SPDL1: variants seen among roughly 807,000 people sequenced by gnomAD.
SPDL1 encodes protein Spindly.
SPDL1 carries 85 observed loss-of-function variants against 79.5 expected under a neutral mutation model. That is an observed-to-expected ratio of 1.07 (90% CI 0.90 to 1.28). SPDL1 has a LOEUF of 1.28. Ranked by LOEUF, SPDL1 falls within the 50% of genes most tolerant of loss-of-function variation. The pLI is 0.00. For synonymous variants in SPDL1, 269 were observed against 240.3 expected, an observed-to-expected ratio of 1.12 and a Z score of -1.10; for missense variants, 703 against 697.8, an observed-to-expected ratio of 1.01 and a Z score of -0.08.
chr5:169,585,622 G>T (rs1255038403), intron 1 of SPDL1, among the ~76,000 whole-genome samples: 2 of 152,192 alleles, frequency 1.3e-5, no homozygotes, highest in South Asian at 2.1e-4. Context: ...GTAAGTTATT[G>T]TGAACAGTAC....
At chr5:169,591,994 A>G (rs1755310686) in intron 3 of SPDL1, among the ~76,000 whole-genome samples, 2 of 152,200 alleles carry the variant, frequency 1.3e-5, no homozygotes, top group African/African-American at 4.8e-5. Flanking sequence ...TGCTTTGTGT[A>G]TAGTCTATAC....
chr5:169,601,525 A>G lies in SPDL1; in HGVS notation c.1570A>G (p.Met524Val), dbSNP rs146764075. ...LSPHKNLPVD[M>V]QLKKEKKCVK... ...TCCTCACAAAAATCTGCCCGTGGAT[A>G]TGCAGCTGAAGAAGGAAAAGAAATG... Residue 524 changes from methionine (M) to valine (V), a missense_variant, in exon 11 of 12, where the codon ATG becomes GTG. Coordinates refer to ENST00000265295, the MANE Select transcript of SPDL1 (RefSeq NM_017785.5). 1.2e-6 allele frequency: 2 copies of G among 1,614,210 alleles called. No individual in the cohort carries two copies. The highest frequency in any genetic ancestry group is 1.3e-5 in the African/African-American group (1 of 75,060).
At chr5:169,593,920 C>T (rs948330871) in intron 4 of SPDL1, among the ~76,000 whole-genome samples, 1 of 152,064 alleles carries the variant, frequency 6.6e-6, no homozygotes, top group Admixed American at 6.5e-5. Context: ...AAAATTAAAG[C>T]CTGAAATTGA....
chr5:169,598,957 T>G lies in SPDL1; in HGVS notation c.1137-15T>G. 1 of 1,519,684 alleles carries G rather than the reference T, an allele frequency of 6.6e-7. No homozygotes were observed. Among genetic ancestry groups the G allele is most frequent in the Non-Finnish European group, 8.8e-7 (1 of 1,132,608 alleles). The allele number at this position is 1,519,684 out of a possible 1,614,324, so 94.1% of individuals were successfully genotyped here. A position where few individuals can be genotyped will look rare whatever the true frequency, so the allele number is the denominator to read the frequency against. ...TGTCTTAATACTCGTTGGTTCTCCTTTTTTATTATCATAGCAAAGAAATTG... is the reference window on the plus strand; with the variant it reads ...TGTCTTAATACTCGTTGGTTCTCCTGTTTTATTATCATAGCAAAGAAATTG... On this transcript the variant is annotated splice_polypyrimidine_tract_variant and intron_variant, in intron 9 of 11. Coordinates refer to ENST00000265295, the MANE Select transcript of SPDL1 (RefSeq NM_017785.5).
chr5:169,599,645 G>C lies in SPDL1; in HGVS notation c.1324+486G>C, dbSNP rs116415625. On this transcript the variant is annotated intron_variant, in intron 10 of 11. Transcript: ENST00000265295. The stretch of plus-strand genomic sequence containing the variant: ...CACGGTATCAAGATTCAGGCTTCTT[G>C]TGTTTGTTGGTCTGCTGCCATCCTG... Among the ~76,000 whole-genome samples, 770 of 152,290 alleles carry C rather than the reference G, an allele frequency of 5.1e-3. 5 individuals are homozygous for C. Among genetic ancestry groups the C allele is most frequent in the African/African-American group, 0.017 (717 of 41,550 alleles).
chr5:169,594,227 T>A lies in SPDL1; in HGVS notation c.614T>A (p.Val205Glu). 6.2e-7 allele frequency: 1 copy of A among 1,613,978 alleles called. No individual in the cohort carries two copies. The highest frequency in any genetic ancestry group is 8.5e-7 in the Non-Finnish European group (1 of 1,179,888). The change falls in exon 5 of 12, where the codon GTA becomes GAA. Residue 205 changes from valine (V) to glutamate (E), a missense_variant. Physicochemically the swap from Val to Glu is moderately radical, Grantham distance 121 (BLOSUM62 -2). Coordinates refer to ENST00000265295, the MANE Select transcript of SPDL1 (RefSeq NM_017785.5). The stretch of plus-strand genomic sequence containing the variant: ...CTTATTACTAACCTAATGCGCCAGG[T>A]AGACCGGCTTAAAGAGGAAAAAGAG... ...ELLITNLMRQ[V>E]DRLKEEKEER...
At chr5:169,589,895 G>A (rs965757055) in intron 2 of SPDL1, among the ~76,000 whole-genome samples, 2 of 152,016 alleles carry the variant, frequency 1.3e-5, no homozygotes, top group African/African-American at 4.8e-5. Flanking sequence ...TAGAGATGGG[G>A]TTTCACCATG....
chr5:169,584,058 T>C (rs1236924016), intron 1 of SPDL1, 169 bp downstream of exon 1: 1 of 152,186 alleles, frequency 6.6e-6, no homozygotes, highest in South Asian at 2.1e-4. Context: ...GCCGGTCTTA[T>C]CTTCCGCTGG....
At chr5:169,584,179 C>G (rs546335888) in intron 1 of SPDL1, 4 of 152,318 alleles carry the variant, frequency 2.6e-5, no homozygotes, top group Admixed American at 6.5e-5. Flanking sequence ...ACGGTAGCCT[C>G]TAGCCCGAAC....
intron 11 of SPDL1, among the ~76,000 whole-genome samples, chr5:169,603,587 G>C (rs1259723664): frequency 2.0e-5 from 3 of 152,160 alleles, no homozygotes; most frequent in Non-Finnish European, 4.4e-5. Context: ...CCAGCGTGGT[G>C]CCTCACACCT....
Position 169,604,283 on chromosome 5 carries a change from C to A in SPDL1, c.*76C>A. The A allele has an allele frequency of 1.5e-6, 2 of 1,326,860 alleles. No individual in the cohort carries two copies. Among genetic ancestry groups the A allele is most frequent in the Admixed American group, 2.6e-5 (1 of 38,772 alleles). 82.2% of individuals were successfully genotyped at this position (1,326,860 alleles called of 1,614,324 possible). A position where few individuals can be genotyped will look rare whatever the true frequency, so the allele number is the denominator to read the frequency against. On this transcript the variant is annotated 3_prime_UTR_variant, in exon 12 of 12. Coordinates refer to ENST00000265295, the MANE Select transcript of SPDL1 (RefSeq NM_017785.5). ...GGTGCTTAAGATTGTCTTGATCTGA[C>A]ATATATCACCTTCTGGGTTATTTAC...
In SPDL1 at chr5:169,599,053, T is replaced by A; in HGVS notation, c.1218T>A (p.Ile406=). ...TTGAGAGCCAGCGGGCTCTAGATAT[T>A]GAGCGAAAACTTTTTGCAAATGAAA... ...ALFESQRALD[I]ERKLFANERC... is the part of the protein sequence containing the mutation. Residue 406 remains isoleucine, a synonymous_variant, in exon 10 of 12, where the codon ATT becomes ATA. Transcript: ENST00000265295. The A allele has an allele frequency of 6.2e-7, 1 of 1,602,408 alleles. No homozygotes were observed. The highest frequency in any genetic ancestry group is 8.5e-7 in the Non-Finnish European group (1 of 1,171,192).
In SPDL1 at chr5:169,594,446, A is replaced by T. The variant is rs1755479776; in HGVS notation, c.734A>T (p.Gln245Leu). ...DLQVQLDQAL[Q>L]QALDPNSKGN... ...CAGGTACAGTTGGACCAGGCACTCC[A>T]GCAAGCCTTGGATCCCAATAGTAAA... The change falls in exon 6 of 12, where the codon CAG becomes CTG. Residue 245 changes from glutamine (Q) to leucine (L), a missense_variant. By Grantham distance (113) the Gln-to-Leu change is moderately radical. Coordinates refer to ENST00000265295, the MANE Select transcript of SPDL1 (RefSeq NM_017785.5). 1 of 1,614,018 alleles carries T rather than the reference A, an allele frequency of 6.2e-7. No individual in the cohort carries two copies. The highest frequency in any genetic ancestry group is 1.3e-5 in the African/African-American group (1 of 74,940).
chr5:169,604,192 G>C lies in SPDL1; in HGVS notation c.1803G>C (p.Gln601His). ...YVSSKSTPET[Q>H]CPQQ ...CTTCTAAATCTACTCCAGAGACCCA[G>C]TGCCCTCAACAGTAAAGACTTGTCT... Residue 601 changes from glutamine to histidine, a missense_variant, in exon 12 of 12, where the codon CAG becomes CAC. Physicochemically the swap from Gln to His is conservative, Grantham distance 24 (BLOSUM62 0). Coordinates refer to ENST00000265295, the MANE Select transcript of SPDL1 (RefSeq NM_017785.5). 6.3e-7 allele frequency: 1 copy of C among 1,598,154 alleles called. No individual in the cohort carries two copies. The highest frequency in any genetic ancestry group is 8.5e-7 in the Non-Finnish European group (1 of 1,174,154).
At chr5:169,589,415 T>G (rs554680148) in intron 2 of SPDL1, among the ~76,000 whole-genome samples, 1 of 152,322 alleles carries the variant, frequency 6.6e-6, no homozygotes, top group South Asian at 2.1e-4. Flanking sequence ...TGATTTTATT[T>G]ACAACAAAAT....
chr5:169,601,228 G>T (rs187916234), intron 10 of SPDL1, 52 bp from the exon 11 acceptor site: 3 of 1,513,240 alleles, frequency 2.0e-6, no homozygotes, highest in Non-Finnish European at 2.7e-6. Context: ...TGTGTTGATT[G>T]TGTCTTTGTT....
At position 169,599,084 on chromosome 5, in the gene SPDL1, C is replaced by T. The variant is rs773719501; in HGVS notation, c.1249C>T (p.Leu417Phe). The T allele has an allele frequency of 2.5e-6, 4 of 1,597,242 alleles. No individual in the cohort carries two copies. The highest frequency in any genetic ancestry group is 1.1e-5 in the South Asian group (1 of 89,074). Reference sequence around the variant, plus strand: ...AAAACTTTTTGCAAATGAAAGATGCCTCCAGCTTTCAGAAAGTGAAAATAT... The same window carrying T: ...AAAACTTTTTGCAAATGAAAGATGCTTCCAGCTTTCAGAAAGTGAAAATAT... ...ERKLFANERCLQLSESENMKL... is the reference protein window; with the variant it reads ...ERKLFANERCFQLSESENMKL... The change falls in exon 10 of 12, where the codon CTC (leucine) becomes TTC (phenylalanine). Residue 417 changes from leucine (L) to phenylalanine (F), a missense_variant. By Grantham distance (22) the Leu-to-Phe change is conservative. Transcript: ENST00000265295.
At chr5:169,601,105 A>G (rs762671374) in intron 10 of SPDL1, among the ~76,000 whole-genome samples, 175 bp from the exon 11 acceptor site, 37 of 152,372 alleles carry the variant, frequency 2.4e-4, no homozygotes, top group Non-Finnish European at 4.6e-4. Flanking sequence ...TATAGTTTAT[A>G]TAGATTCCAT....
intron 1 of SPDL1, 82 bp from the exon 2 acceptor site, chr5:169,588,312 T>C (rs1370915644): frequency 2.1e-6 from 2 of 935,122 alleles, no homozygotes; most frequent in Non-Finnish European, 3.2e-6. Flanking sequence ...TAGTATTGAG[T>C]AGATATGTTT....
Sources: allele counts gnomAD v4.1 joint callset (sites outside exome capture counted in the v4.1 genomes callset), GRCh38; gene constraint gnomAD v4.1.1; transcripts MANE v1.5; gene names NCBI Gene and HGNC (gene_info 2026-07-23, HGNC 2026-07-21).